The following UCK2 variants were observed in gnomAD, a reference collection of about 807,000 sequenced individuals.
UCK2 encodes the protein uridine-cytidine kinase 2.
Under a neutral mutation model 30.8 loss-of-function variants are expected in UCK2, and 6 were observed. That is an observed-to-expected ratio of 0.19 (90% CI 0.11 to 0.38). The LOEUF (loss-of-function observed/expected upper bound fraction) is 0.38. Among genes scored for constraint, UCK2 ranks in the 10% least tolerant of loss-of-function variants. The pLI is 1.00. For synonymous variants in UCK2, 125 were observed against 133.6 expected (o/e 0.94, Z 0.45); for missense variants, 210 against 339.8 (o/e 0.62, Z 3.00).
intron 4 of UCK2, among the ~76,000 whole-genome samples, chr1:165,902,153 T>C (rs1014333633): frequency 5.3e-5 from 8 of 152,072 alleles, no homozygotes; most frequent in African/African-American, 1.7e-4. Context: ...GGAGAATCGC[T>C]TGAACCCCAG....
At chr1:165,903,039 C>A in intron 4 of UCK2, 143 bp from the exon 5 acceptor site, 1 of 625,162 alleles carries the variant, frequency 1.6e-6, no homozygotes, top group Non-Finnish European at 2.8e-6. Flanking sequence ...CTGATCTGCT[C>A]TTGGTCAAGC....
intron 1 of UCK2, among the ~76,000 whole-genome samples, chr1:165,859,252 T>C (rs527297925): frequency 6.6e-6 from 1 of 151,138 alleles, no homozygotes; most frequent in East Asian, 1.9e-4. Context: ...GTTAACACCA[T>C]TTGTTACCCC....
chr1:165,846,673 C>A (rs1654456146), intron 1 of UCK2, among the ~76,000 whole-genome samples: 2 of 152,138 alleles, frequency 1.3e-5, no homozygotes, highest in African/African-American at 4.8e-5. Context: ...CATGTCAGAT[C>A]CCAGGATGAG....
chr1:165,854,787 A>G (rs1222813801), intron 1 of UCK2, among the ~76,000 whole-genome samples: 1 of 152,088 alleles, frequency 6.6e-6, no homozygotes, highest in Non-Finnish European at 1.5e-5. Context: ...ACTTCACCAT[A>G]TCTTTTCTAG....
At chr1:165,840,545 G>C (rs1180442915) in intron 1 of UCK2, among the ~76,000 whole-genome samples, 1 of 152,168 alleles carries the variant, frequency 6.6e-6, no homozygotes, top group South Asian at 2.1e-4. Flanking sequence ...CTGCTCCCTG[G>C]CATCTGTGCC....
At chr1:165,906,157 C>A (rs376086329) in intron 6 of UCK2, among the ~76,000 whole-genome samples, 188 bp downstream of exon 6, 2 of 152,150 alleles carry the variant, frequency 1.3e-5, no homozygotes, top group African/African-American at 4.8e-5. Flanking sequence ...GTGTAGGCAC[C>A]CATGTGTTAC....
intron 4 of UCK2, 34 bp from the exon 5 acceptor site, chr1:165,903,148 C>A: frequency 1.3e-6 from 2 of 1,587,284 alleles, no homozygotes; most frequent in South Asian, 2.2e-5. Context: ...GCTCCTACAC[C>A]GTTTTTTGAT....
At chr1:165,879,655 A>T (rs773645410) in intron 1 of UCK2, among the ~76,000 whole-genome samples, 1 of 151,802 alleles carries the variant, frequency 6.6e-6, no homozygotes, top group Non-Finnish European at 1.5e-5. Context: ...AACGTGGTCT[A>T]TGTGGCTTTG....
chr1:165,881,216 TAGA>T (rs1304975997), intron 1 of UCK2, among the ~76,000 whole-genome samples: 1 of 149,008 alleles, frequency 6.7e-6, no homozygotes, highest in Non-Finnish European at 1.5e-5. Flanking sequence ...AGAGATGATG[TAGA>T]AGAACCATAG....
At chr1:165,842,447 A>G (rs4657478) in intron 1 of UCK2, among the ~76,000 whole-genome samples, 9,437 of 152,222 alleles carry the variant, frequency 0.062, 357 homozygotes, top group Middle Eastern at 0.092. Context: ...CTAGCCACAG[A>G]CCTGCTGCTC....
At chr1:165,830,046 C>T (rs567196930) in intron 1 of UCK2, among the ~76,000 whole-genome samples, 1 of 152,106 alleles carries the variant, frequency 6.6e-6, no homozygotes, top group South Asian at 2.1e-4. Context: ...CACTCTTTTG[C>T]CCAGGCTGGA....
intron 1 of UCK2, among the ~76,000 whole-genome samples, chr1:165,844,026 C>T (rs1254578330): frequency 6.6e-6 from 1 of 152,188 alleles, no homozygotes; most frequent in Non-Finnish European, 1.5e-5. Flanking sequence ...TGTATTAATG[C>T]CTTTATTTCC....
In UCK2 at chr1:165,890,199, C is replaced by T; in HGVS notation, c.100-5C>T. The T allele has an allele frequency of 6.2e-7, 1 of 1,614,020 alleles. No homozygotes were observed. Among genetic ancestry groups the T allele is most frequent in the East Asian group, 2.2e-5 (1 of 44,872 alleles). On this transcript the variant is annotated splice_region_variant and splice_polypyrimidine_tract_variant and intron_variant, in intron 1 of 6. Transcript: ENST00000367879. ...ATTCCTGGGTGCTCTCTTCTCTCCT[C>T]ACAGTCTTCCGTGTGTGCTAAGATC...
intron 1 of UCK2, among the ~76,000 whole-genome samples, chr1:165,889,280 A>C (rs1302335947): frequency 6.6e-6 from 1 of 152,226 alleles, no homozygotes; most frequent in East Asian, 1.9e-4. Flanking sequence ...CTGTGAGCAT[A>C]GCCTTCTTGC....
chr1:165,871,763 C>T (rs569180056), intron 1 of UCK2, among the ~76,000 whole-genome samples: 29 of 152,236 alleles, frequency 1.9e-4, no homozygotes, highest in African/African-American at 6.0e-4. Flanking sequence ...GAAATTGTTT[C>T]TGAATATAAC....
rs1420376344 is a variant in UCK2, at chr1:165,907,762, T to C, written c.725T>C (p.Leu242Pro). The C allele has an allele frequency of 6.2e-7, 1 of 1,614,146 alleles. No homozygotes were observed. Among genetic ancestry groups the C allele is most frequent in the Admixed American group, 1.7e-5 (1 of 60,030 alleles). The change falls in exon 7 of 7, where the codon CTC (leucine) becomes CCC (proline). Residue 242 changes from leucine (L) to proline (P), a missense_variant. This residue lies in a region of UCK2 where 38 missense variants were observed against 45.4 expected (regional missense o/e 0.84). Coordinates refer to ENST00000367879, the MANE Select transcript of UCK2 (RefSeq NM_012474.5). The part of the protein sequence containing the change: ...GPSKRQTNGC[L>P]NGYTPSRKRQ... ...TCCAAACGGCAGACCAATGGCTGTC[T>C]CAACGGCTACACCCCTTCACGCAAG...
chr1:165,886,939 C>T (rs1216584040), intron 1 of UCK2, among the ~76,000 whole-genome samples: 4 of 152,164 alleles, frequency 2.6e-5, no homozygotes, highest in Admixed American at 2.6e-4. Context: ...AATGCCTGAA[C>T]AATCTAGATT....
chr1:165,858,990 C>G (rs574478487), intron 1 of UCK2, among the ~76,000 whole-genome samples: 4 of 152,310 alleles, frequency 2.6e-5, no homozygotes, highest in African/African-American at 9.6e-5. Flanking sequence ...AGATTGGCAT[C>G]TGCTGGATAA....
chr1:165,878,236 A>G (rs1246463485), intron 1 of UCK2, among the ~76,000 whole-genome samples: 1 of 152,094 alleles, frequency 6.6e-6, no homozygotes. Flanking sequence ...TTGAAATCAT[A>G]CATTATGTGA....
Sources: allele counts gnomAD v4.1 joint callset (sites outside exome capture counted in the v4.1 genomes callset), GRCh38; gene constraint gnomAD v4.1.1; regional missense constraint gnomAD v4.1.1; transcripts MANE v1.5; gene names NCBI Gene and HGNC (gene_info 2026-07-23, HGNC 2026-07-21).